The following GLI2 variants were observed in gnomAD, a reference collection of about 807,000 sequenced individuals.
GLI2 encodes the protein GLI family zinc finger 2.
Under a neutral mutation model 78.9 loss-of-function variants are expected in GLI2, and 22 were observed. That is an observed-to-expected ratio of 0.28 (90% CI 0.20 to 0.40). The LOEUF (loss-of-function observed/expected upper bound fraction) is 0.40. GLI2 is among the 10% of genes least tolerant of loss of function. The probability of loss-of-function intolerance (pLI) is 1.00; values close to 1 mark genes in which losing one functional copy is unlikely to be tolerated. For missense variants in GLI2, 2,097 were observed against 2,213.2 expected, an observed-to-expected ratio of 0.95 and a Z score of 1.05; for synonymous variants, 974 against 963.7, an observed-to-expected ratio of 1.01 and a Z score of -0.20.
intron 2 of GLI2, among the ~76,000 whole-genome samples, chr2:120,826,189 A>G (rs1686050215): frequency 1.3e-5 from 2 of 152,186 alleles, no homozygotes; most frequent in Non-Finnish European, 2.9e-5. Flanking sequence ...CAAGTTCAGC[A>G]TGGAGGAGAG....
At chr2:120,966,539 C>A (rs576054590) in intron 5 of GLI2, among the ~76,000 whole-genome samples, 17 of 152,328 alleles carry the variant, frequency 1.1e-4, no homozygotes, top group Non-Finnish European at 2.1e-4. Context: ...CCCTGGAAGC[C>A]CCTTTCGGCC....
chr2:120,838,433 A>G (rs1686715660), intron 2 of GLI2, among the ~76,000 whole-genome samples: 1 of 152,174 alleles, frequency 6.6e-6, no homozygotes, highest in Admixed American at 6.5e-5. Flanking sequence ...TAATCTTGTC[A>G]TTTACAAATG....
chr2:120,872,771 G>A (rs1012737292), intron 2 of GLI2, among the ~76,000 whole-genome samples: 4 of 152,210 alleles, frequency 2.6e-5, no homozygotes, highest in Admixed American at 6.5e-5. Flanking sequence ...TATTATTGGC[G>A]TTAAATGAGC....
At chr2:120,764,998 G>A (rs577759201) in intron 1 of GLI2, among the ~76,000 whole-genome samples, 1 of 152,332 alleles carries the variant, frequency 6.6e-6, no homozygotes, top group African/African-American at 2.4e-5. Flanking sequence ...TTGCCCAGCA[G>A]AAGTGGCAGA....
intron 2 of GLI2, among the ~76,000 whole-genome samples, chr2:120,810,885 T>C (rs1685206209): frequency 6.6e-6 from 1 of 152,194 alleles, no homozygotes; most frequent in South Asian, 2.1e-4. Flanking sequence ...GGCCTGGCAT[T>C]CTGATAGCTC....
chr2:120,807,351 A>T (rs1685008606), intron 2 of GLI2, among the ~76,000 whole-genome samples: 1 of 152,150 alleles, frequency 6.6e-6, no homozygotes, highest in South Asian at 2.1e-4. Flanking sequence ...TAGGCTGACC[A>T]ATAATGAGAC....
intron 4 of GLI2, among the ~76,000 whole-genome samples, chr2:120,952,384 C>T (rs1318291856): frequency 6.6e-6 from 1 of 152,248 alleles, no homozygotes; most frequent in East Asian, 1.9e-4. Context: ...AGTCTCTTAT[C>T]ACTACCAGCA....
intron 2 of GLI2, among the ~76,000 whole-genome samples, chr2:120,924,934 C>T (rs866087263): frequency 7.2e-5 from 11 of 152,328 alleles, no homozygotes; most frequent in African/African-American, 2.4e-4. Context: ...ACGTCTTCAC[C>T]ACAGCCATGT....
chr2:120,810,342 A>C (rs1422592743), intron 2 of GLI2, among the ~76,000 whole-genome samples: 1 of 152,224 alleles, frequency 6.6e-6, no homozygotes, highest in East Asian at 1.9e-4. Context: ...GGCAAGCCCC[A>C]GACAGACTAT....
rs983274939 is a variant in GLI2, at chr2:120,927,757, A to G, written c.254+291A>G. On this transcript the variant is annotated intron_variant, in intron 3 of 13. Transcript: ENST00000361492. ...TTTGGAGCTCTTTCTTCATCCATGA[A>G]GTGGGAATCCTCTCTAGGTCTAAGA... Among the ~76,000 whole-genome samples the G allele has an allele frequency of 2.6e-5, 4 of 152,212 alleles. No individual in the cohort carries two copies. The East Asian group carries it at 7.7e-4, about 29-fold the overall frequency.
At chr2:120,772,527 C>T (rs1376059558) in intron 1 of GLI2, among the ~76,000 whole-genome samples, 4 of 152,234 alleles carry the variant, frequency 2.6e-5, no homozygotes, top group South Asian at 4.1e-4. Context: ...AGGAGCACCC[C>T]GGCTGCCCAC....
chr2:120,771,994 G>C (rs1683535433), intron 1 of GLI2, among the ~76,000 whole-genome samples: 1 of 152,168 alleles, frequency 6.6e-6, no homozygotes, highest in African/African-American at 2.4e-5. Flanking sequence ...AGTGACCCCT[G>C]TCAAATGCTA....
Position 120,927,243 on chromosome 2 carries a change from G to A in GLI2, c.149-118G>A, listed in dbSNP as rs925238202. The A allele has an allele frequency of 7.5e-6, 6 of 800,806 alleles. No individual in the cohort carries two copies. The African/African-American group carries it at 1.0e-4, about 13-fold the overall frequency. 49.6% of individuals were successfully genotyped at this position (800,806 alleles called of 1,614,324 possible). On this transcript the variant is annotated intron_variant, in intron 2 of 13. Coordinates refer to ENST00000361492, the MANE Select transcript of GLI2 (RefSeq NM_001374353.1). ...TGTGTGATCGCGCGGGCACTGCGGA[G>A]CCCCTTGTCCTGGCTGCTCTTGCTA...
chr2:120,921,236 CTGTG>C (rs199845478), intron 2 of GLI2, among the ~76,000 whole-genome samples: 2,129 of 151,082 alleles, frequency 0.014, 44 homozygotes, highest in African/African-American at 0.046. Flanking sequence ...TCTGTAGAGA[CTGTG>C]TGTGCACGTG....
chr2:120,911,010 G>C (rs570052080), intron 2 of GLI2, among the ~76,000 whole-genome samples: 39 of 152,332 alleles, frequency 2.6e-4, no homozygotes, highest in African/African-American at 8.9e-4. Flanking sequence ...TCACACACCT[G>C]TGACCCTTAT....
intron 2 of GLI2, among the ~76,000 whole-genome samples, chr2:120,813,279 GA>G (rs980296821): frequency 6.6e-6 from 1 of 152,234 alleles, no homozygotes; most frequent in Non-Finnish European, 1.5e-5. Context: ...GTGGTTCTAA[GA>G]GCTGCATTGC....
chr2:120,834,041 G>T (rs1364996281), intron 2 of GLI2, among the ~76,000 whole-genome samples: 1 of 152,150 alleles, frequency 6.6e-6, no homozygotes, highest in Non-Finnish European at 1.5e-5. Flanking sequence ...AGCTCTGGGG[G>T]TGCTCAGTCC....
At chr2:120,830,983 C>T (rs1686332400) in intron 2 of GLI2, among the ~76,000 whole-genome samples, 1 of 138,026 alleles carries the variant, frequency 7.2e-6, no homozygotes, top group Admixed American at 7.2e-5. Context: ...CTCTCTGTCT[C>T]TTTTTTTTTT....
At chr2:120,787,566 C>T (rs945360393) in intron 1 of GLI2, among the ~76,000 whole-genome samples, 5 of 152,216 alleles carry the variant, frequency 3.3e-5, no homozygotes, top group African/African-American at 1.2e-4. Context: ...AGCCCTCAGC[C>T]TGCCCGGGGC....
Sources: allele counts gnomAD v4.1 joint callset (sites outside exome capture counted in the v4.1 genomes callset), GRCh38; gene constraint gnomAD v4.1.1; transcripts MANE v1.5; gene names NCBI Gene and HGNC (gene_info 2026-07-23, HGNC 2026-07-21).